The following RNF157 variants were observed in gnomAD, a reference collection of about 807,000 sequenced individuals.
RNF157 encodes E3 ubiquitin ligase RNF157.
Under a neutral mutation model 88.3 loss-of-function variants are expected in RNF157, and 55 were observed. The ratio of observed to expected loss-of-function variants is 0.62; its 90% confidence interval spans 0.50 to 0.78. RNF157 has a LOEUF of 0.78. RNF157 is among the 30% of genes least tolerant of loss of function. The probability of loss-of-function intolerance (pLI) is 0.00; values close to 1 mark genes in which losing one functional copy is unlikely to be tolerated. For synonymous variants in RNF157, 334 were observed against 341.2 expected (o/e 0.98, Z 0.23); for missense variants, 788 against 860.8 (o/e 0.92, Z 1.06).
intron 2 of RNF157, among the ~76,000 whole-genome samples, chr17:76,210,585 G>A (rs1272874029): frequency 1.3e-3 from 3 of 2,382 alleles, no homozygotes; most frequent in Admixed American, 3.6e-3. Context: ...GCCAGACTCC[G>A]TCCAAAAAAA....
chr17:76,145,031 T>C lies in RNF157; in HGVS notation c.*204A>G, dbSNP rs1476125028. The C allele has an allele frequency of 1.9e-6, 1 of 532,826 alleles. No homozygotes were observed. The highest frequency in any genetic ancestry group is 3.3e-6 in the Non-Finnish European group (1 of 300,498). The allele number at this position is 532,826 out of a possible 1,614,324, so 33.0% of individuals were successfully genotyped here. A position where few individuals can be genotyped will look rare whatever the true frequency, so the allele number is the denominator to read the frequency against. Reference sequence around the variant, plus strand: ...TGCAAAAGGTCTCGTGAGCTGCAGTTCATTGAGTGGCTTTAGGTCACACGG... The same window carrying C: ...TGCAAAAGGTCTCGTGAGCTGCAGTCCATTGAGTGGCTTTAGGTCACACGG... On this transcript the variant is annotated 3_prime_UTR_variant, in exon 19 of 19. Transcript: ENST00000269391.
chr17:76,166,956 G>A, intron 5 of RNF157, 53 bp downstream of exon 5: 1 of 1,249,372 alleles, frequency 8.0e-7, no homozygotes, highest in Non-Finnish European at 1.1e-6. Context: ...GTCCTAAGTA[G>A]CCCCTAGGCC....
At chr17:76,202,126 T>TCACACACACACACA (rs1174829610) in intron 2 of RNF157, among the ~76,000 whole-genome samples, 3 of 137,714 alleles carry the variant, frequency 2.2e-5, no homozygotes, top group African/African-American at 8.9e-5. Context: ...TCTCTCTCTC[T>TCACACACACACACA]CTCACACACA....
Position 76,237,990 on chromosome 17 carries a change from G to A in RNF157, c.88+2163C>T, listed in dbSNP as rs149602225. On this transcript the variant is annotated intron_variant, in intron 1 of 18. Coordinates refer to ENST00000269391, the MANE Select transcript of RNF157 (RefSeq NM_052916.3). ...TCCCAGCTACTTGGGAGACTGAGGC[G>A]GGAGAATTGCTTGAACCCTAGAGGC... Among the ~76,000 whole-genome samples the A allele has an allele frequency of 5.5e-4, 84 of 151,792 alleles. 1 individual carries two copies. Among genetic ancestry groups the A allele is most frequent in the Middle Eastern group, 3.4e-3 (1 of 294 alleles).
At chr17:76,216,854 A>G in intron 1 of RNF157, among the ~76,000 whole-genome samples, 2 of 151,976 alleles carry the variant, frequency 1.3e-5, no homozygotes, top group Non-Finnish European at 2.9e-5. Flanking sequence ...CTGCGCCATT[A>G]CATTCCAGTC....
intron 11 of RNF157, 111 bp from the exon 12 acceptor site, chr17:76,159,684 G>T (rs1428469075): frequency 6.5e-6 from 5 of 774,112 alleles, no homozygotes; most frequent in South Asian, 5.0e-5. Flanking sequence ...TTCTTGGGGG[G>T]GTCTGGTAAG....
intron 6 of RNF157, 144 bp from the exon 7 acceptor site, chr17:76,165,689 T>G (rs2068912378): frequency 2.5e-6 from 2 of 809,688 alleles, no homozygotes; most frequent in Admixed American, 2.4e-5. Flanking sequence ...CATACTTTTT[T>G]TTTTTTGAGA....
In RNF157 at chr17:76,185,506, G is replaced by T. The variant is rs1336910838; in HGVS notation, c.208-11716C>A. 2.5e-3 allele frequency among the ~76,000 whole-genome samples: 346 copies of T among 140,424 alleles called. 4 individuals carry two copies. Among genetic ancestry groups the T allele is most frequent in the African/African-American group, 8.0e-3 (276 of 34,316 alleles). 92.1% of individuals were successfully genotyped at this position (140,424 alleles called of 152,430 possible). ...TTTTTTTGAGACGGAGTCTCGCTCT[G>T]TCGCCCAGGCTGGAGTGCAGTGGCG... On this transcript the variant is annotated intron_variant, in intron 2 of 18. Coordinates refer to ENST00000269391, the MANE Select transcript of RNF157 (RefSeq NM_052916.3).
At chr17:76,217,970 T>C (rs2069918215) in intron 1 of RNF157, among the ~76,000 whole-genome samples, 1 of 152,202 alleles carries the variant, frequency 6.6e-6, no homozygotes, top group African/African-American at 2.4e-5. Context: ...GTTTTAGTTT[T>C]ATAAAATAAA....
At chr17:76,204,301 C>G (rs2069640374) in intron 2 of RNF157, among the ~76,000 whole-genome samples, 1 of 152,178 alleles carries the variant, frequency 6.6e-6, no homozygotes, top group South Asian at 2.1e-4. Flanking sequence ...CTTATCCCTC[C>G]AGGTTAAAGG....
At chr17:76,201,206 C>A (rs1203989112) in intron 2 of RNF157, among the ~76,000 whole-genome samples, 1 of 151,580 alleles carries the variant, frequency 6.6e-6, no homozygotes, top group African/African-American at 2.4e-5. Flanking sequence ...ATATGAAGAG[C>A]CGGGCACAGT....
At chr17:76,162,025 A>G in intron 9 of RNF157, 23 bp from the exon 10 acceptor site, 1 of 1,608,808 alleles carries the variant, frequency 6.2e-7, no homozygotes. Context: ...AAAGAAATGT[A>G]GCCAATGGCA....
At chr17:76,225,614 G>T in intron 1 of RNF157, 3 of 721,384 alleles carry the variant, frequency 4.2e-6, no homozygotes, top group South Asian at 2.7e-5. Flanking sequence ...ATCTATGTCT[G>T]TATTTATGGC....
intron 3 of RNF157, among the ~76,000 whole-genome samples, chr17:76,171,712 A>G (rs564506647): frequency 6.6e-6 from 1 of 152,222 alleles, no homozygotes; most frequent in Non-Finnish European, 1.5e-5. Flanking sequence ...CATGAAAGGT[A>G]AAGTTGATTA....
Position 76,146,541 on chromosome 17 carries a change from T to A in RNF157, c.1922-1188A>T. 1 of 985,438 alleles carries A rather than the reference T, an allele frequency of 1.0e-6. No homozygotes were observed. The highest frequency in any genetic ancestry group is 1.2e-6 in the Non-Finnish European group (1 of 829,920). The allele number at this position is 985,438 out of a possible 1,614,324, so 61.0% of individuals were successfully genotyped here. On this transcript the variant is annotated intron_variant, in intron 18 of 18. Coordinates refer to ENST00000269391, the MANE Select transcript of RNF157 (RefSeq NM_052916.3). The surrounding 1 kb of genome is among the most constrained non-coding windows in gnomAD (Gnocchi z 4.2). ...CTGGCTCCCTGGGGTAGGGAAGGCA[T>A]GTCGTCCTCCGGACCCTGTGGGCCT...
rs1391728963 is a variant in RNF157, at chr17:76,176,208, A to G, written c.208-2418T>C. Among the ~76,000 whole-genome samples the G allele has an allele frequency of 6.6e-6, 1 of 152,248 alleles. No homozygotes were observed. The highest frequency in any genetic ancestry group is 1.5e-5 in the Non-Finnish European group (1 of 68,040). ...GAAGCTGCATTATAAGGCAGCTGAC[A>G]TAGTAATTGTAATATCAAAGAGATT... is the stretch of plus-strand genomic sequence containing the variant. On this transcript the variant is annotated intron_variant, in intron 2 of 18. Transcript: ENST00000269391. The surrounding 1 kb of genome is among the most constrained non-coding windows in gnomAD (Gnocchi z 4.2).
At chr17:76,179,514 G>A (rs1005725190) in intron 2 of RNF157, among the ~76,000 whole-genome samples, 2 of 152,002 alleles carry the variant, frequency 1.3e-5, no homozygotes, top group African/African-American at 4.8e-5. Context: ...CCAACATAGC[G>A]AAACCCCATC....
At position 76,195,308 on chromosome 17, in the gene RNF157, T is replaced by C. The variant is rs2069460533; in HGVS notation, c.207+17056A>G. Among the ~76,000 whole-genome samples the C allele has an allele frequency of 2.0e-5, 3 of 152,260 alleles. No homozygotes were observed. Among genetic ancestry groups the C allele is most frequent in the East Asian group, 3.9e-4 (2 of 5,170 alleles). On this transcript the variant is annotated intron_variant, in intron 2 of 18. Coordinates refer to ENST00000269391, the MANE Select transcript of RNF157 (RefSeq NM_052916.3). The surrounding 1 kb of genome is among the most constrained non-coding windows in gnomAD (Gnocchi z 4.4). ...TTCCAGACACCACGTAACCAGGAGATCACCTGTCTCTCCAACTTCATTGGT... is the reference window on the plus strand; with the variant it reads ...TTCCAGACACCACGTAACCAGGAGACCACCTGTCTCTCCAACTTCATTGGT...
At chr17:76,238,645 G>A (rs1051479293) in intron 1 of RNF157, among the ~76,000 whole-genome samples, 1 of 152,162 alleles carries the variant, frequency 6.6e-6, no homozygotes, top group Non-Finnish European at 1.5e-5. Context: ...AGCAAAGTAT[G>A]CTCCATATTT....
Sources: gnomAD v4.1 joint callset for allele counts (sites outside exome capture counted in the v4.1 genomes callset) on GRCh38, gnomAD v4.1.1 for gene constraint, Gnocchi (gnomAD v3.1) non-coding constraint, MANE v1.5 for transcripts, NCBI Gene and HGNC (gene_info 2026-07-23, HGNC 2026-07-21) for gene names.